Variants in ANKRD12 observed in about 807,000 individuals in gnomAD.
ANKRD12 encodes the protein ankyrin repeat domain-containing protein 12.
ANKRD12 carries 85 observed loss-of-function variants against 183.4 expected under a neutral mutation model. The ratio of observed to expected loss-of-function variants is 0.46; its 90% CI spans 0.39 to 0.56. The LOEUF is 0.56. Among genes scored for constraint, ANKRD12 ranks in the 20% least tolerant of loss-of-function variants. The pLI is 0.00. For synonymous variants in ANKRD12, 914 were observed against 800.2 expected (o/e 1.14, Z -2.40); for missense variants, 2,405 against 2,357.1 (o/e 1.02, Z -0.42).
intron 2 of ANKRD12, among the ~76,000 whole-genome samples, chr18:9,189,173 A>C (rs2034297053): frequency 1.3e-5 from 2 of 152,196 alleles, no homozygotes; most frequent in South Asian, 4.1e-4. Context: ...GGAAGTTTGG[A>C]GTGGTCTGGA....
In ANKRD12 at chr18:9,255,018, A is replaced by G. The variant is rs376388850; in HGVS notation, c.1751A>G (p.Asp584Gly). ...MSLQPDLVRY[D>G]NTESEFLPES... ...TTACAGCCTGATCTTGTTCGGTATG[A>G]TAATACAGAATCTGAATTCTTGCCA... The change falls in exon 9 of 13, where the codon GAT becomes GGT. Residue 584 changes from aspartate to glycine, a missense_variant. Physicochemically the swap from Asp to Gly is moderately conservative, Grantham distance 94. This residue lies in a region of ANKRD12 where 1,983 missense variants were observed against 1,725.9 expected (regional missense o/e 1.15). Coordinates refer to ENST00000262126, the MANE Select transcript of ANKRD12 (RefSeq NM_015208.5). The G allele has an allele frequency of 1.2e-5, 20 of 1,602,456 alleles. No homozygotes were observed. In the African/African-American group the frequency reaches 2.0e-4, roughly 16 times the overall value.
At position 9,255,745 on chromosome 18, in the gene ANKRD12, T is replaced by G. The variant is rs1410831263; in HGVS notation, c.2478T>G (p.Ser826=). The G allele has an allele frequency of 1.1e-5, 17 of 1,585,722 alleles. No homozygotes were observed. The highest frequency in any genetic ancestry group is 1.3e-5 in the Non-Finnish European group (15 of 1,172,712). Residue 826 remains serine (S), a synonymous_variant, in exon 9 of 13, where the codon TCT becomes TCG. Transcript: ENST00000262126. The part of the protein sequence containing the change: ...KESKEKPEKR[S]QIKEKDIEKM... ...GTAAAGAAAAACCTGAGAAGCGATC[T>G]CAAATTAAAGAAAAGGACATTGAGA...
At chr18:9,223,363 C>T (rs1370521917) in intron 8 of ANKRD12, among the ~76,000 whole-genome samples, 3 of 151,792 alleles carry the variant, frequency 2.0e-5, no homozygotes, top group African/African-American at 7.3e-5. Flanking sequence ...ATGCCATTCT[C>T]CTGCCTCAGC....
At position 9,258,302 on chromosome 18, in the gene ANKRD12, T is replaced by G. The variant is rs755876473; in HGVS notation, c.5035T>G (p.Leu1679Val). 1.2e-6 allele frequency: 2 copies of G among 1,613,652 alleles called. No individual in the cohort carries two copies. The highest frequency in any genetic ancestry group is 1.7e-6 in the Non-Finnish European group (2 of 1,179,946). ...ACATTGTCCTGAAAGTGAAAAGTGT[T>G]TGCTTTCCATAGAAGATGAGGAATC... ...PKHCPESEKC[L>V]LSIEDEESQQ... The change falls in exon 9 of 13, where the codon TTG (leucine) becomes GTG (valine). Residue 1679 changes from leucine to valine, a missense_variant. Leu to Val is a conservative substitution (Grantham distance 32). Coordinates refer to ENST00000262126, the MANE Select transcript of ANKRD12 (RefSeq NM_015208.5).
At chr18:9,280,214 CAT>C (rs1309721888) in intron 12 of ANKRD12, among the ~76,000 whole-genome samples, 1 of 152,148 alleles carries the variant, frequency 6.6e-6, no homozygotes, top group Non-Finnish European at 1.5e-5. Context: ...ATTAGATTCT[CAT>C]AAGGAGCATG....
chr18:9,279,772 G>C, intron 12 of ANKRD12, 128 bp downstream of exon 12: 1 of 576,104 alleles, frequency 1.7e-6, no homozygotes, highest in Non-Finnish European at 3.1e-6. Flanking sequence ...TCCTCACACT[G>C]GGCCACAATT....
chr18:9,236,144 A>G (rs1332988738), intron 8 of ANKRD12, among the ~76,000 whole-genome samples: 1 of 152,196 alleles, frequency 6.6e-6, no homozygotes, highest in Non-Finnish European at 1.5e-5. Flanking sequence ...AGACAGGGAA[A>G]GTGGGGAATG....
At chr18:9,278,932 T>G (rs973128611) in intron 11 of ANKRD12, among the ~76,000 whole-genome samples, 1 of 152,126 alleles carries the variant, frequency 6.6e-6, no homozygotes, top group African/African-American at 2.4e-5. Flanking sequence ...TAGACACTTT[T>G]CATTCTCAAA....
rs2145450380 is a variant in ANKRD12 at position 9,275,655 on chromosome 18, A to G, written c.5895A>G (p.Pro1965=). ...TGGATGCCGAAGTATACAATGTACC[A>G]TTGGACTCTCAGGTAAAATGTTTGT... ...VLLDAEVYNV[P]LDSQSDDSKT... The change falls in exon 11 of 13, where the codon CCA becomes CCG. Residue 1965 remains proline, a synonymous_variant. Transcript: ENST00000262126. 6.3e-7 allele frequency: 1 copy of G among 1,574,846 alleles called. No homozygotes were observed. Among genetic ancestry groups the G allele is most frequent in the Non-Finnish European group, 8.7e-7 (1 of 1,153,320 alleles).
At chr18:9,139,451 T>A (rs2078243800) in intron 1 of ANKRD12, among the ~76,000 whole-genome samples, 1 of 152,194 alleles carries the variant, frequency 6.6e-6, no homozygotes. Context: ...AAAAAATAAG[T>A]GATTTTTAAA....
intron 6 of ANKRD12, 135 bp downstream of exon 6, chr18:9,211,919 T>C: frequency 1.4e-6 from 1 of 733,308 alleles, no homozygotes. Context: ...TACAAAACTT[T>C]TGGAGTTCGT....
At chr18:9,175,361 C>T (rs1056748226) in intron 1 of ANKRD12, among the ~76,000 whole-genome samples, 1 of 151,950 alleles carries the variant, frequency 6.6e-6, no homozygotes, top group African/African-American at 2.4e-5. Context: ...GTTTTTTTCT[C>T]TCAGCCCTAT....
At chr18:9,250,996 C>CT (rs2038262079) in intron 8 of ANKRD12, among the ~76,000 whole-genome samples, 1 of 151,936 alleles carries the variant, frequency 6.6e-6, no homozygotes, top group East Asian at 1.9e-4. Context: ...TTTTTTGTTT[C>CT]TTTTTTAGTT....
chr18:9,145,345 C>G (rs2078457979), intron 1 of ANKRD12, among the ~76,000 whole-genome samples: 1 of 152,142 alleles, frequency 6.6e-6, no homozygotes, highest in Non-Finnish European at 1.5e-5. Flanking sequence ...AGGAATGTCT[C>G]TAGGTACAGC....
At chr18:9,218,252 C>A (rs1371880227) in intron 7 of ANKRD12, among the ~76,000 whole-genome samples, 1 of 152,168 alleles carries the variant, frequency 6.6e-6, no homozygotes, top group African/African-American at 2.4e-5. Context: ...CATGTACTTA[C>A]AAGGACTCAC....
At chr18:9,253,715 T>C (rs912754366) in intron 8 of ANKRD12, among the ~76,000 whole-genome samples, 2 of 152,168 alleles carry the variant, frequency 1.3e-5, no homozygotes, top group African/African-American at 4.8e-5. Context: ...ATCCAAAAGA[T>C]AGGCAATAAT....
intron 10 of ANKRD12, among the ~76,000 whole-genome samples, chr18:9,265,912 A>C (rs1283798221): frequency 6.6e-6 from 1 of 152,226 alleles, no homozygotes; most frequent in Non-Finnish European, 1.5e-5. Context: ...TAACCAATGC[A>C]GAGAAGTCCT....
intron 1 of ANKRD12, among the ~76,000 whole-genome samples, chr18:9,141,442 TCTG>T (rs1002415416): frequency 3.3e-5 from 5 of 152,146 alleles, no homozygotes; most frequent in Admixed American, 3.3e-4. Context: ...CAATAGAAAA[TCTG>T]CTGAGTTTGT....
chr18:9,275,700 G>T, intron 11 of ANKRD12, 33 bp downstream of exon 11: 2 of 1,483,972 alleles, frequency 1.3e-6, no homozygotes, highest in South Asian at 1.4e-5. Flanking sequence ...TAGAAGTAAT[G>T]GTCTGAAAAA....
Sources: allele counts gnomAD v4.1 joint callset (sites outside exome capture counted in the v4.1 genomes callset), GRCh38; gene constraint gnomAD v4.1.1; regional missense constraint gnomAD v4.1.1; transcripts MANE v1.5; gene names NCBI Gene and HGNC (gene_info 2026-07-23, HGNC 2026-07-21).